Variants in SCN2A observed in about 807,000 individuals in gnomAD.
The protein encoded by SCN2A is sodium channel protein type 2 subunit alpha.
Under a neutral mutation model 188.7 loss-of-function variants are expected in SCN2A, and 20 were observed. The observed-to-expected ratio is 0.11, with a 90% CI of 0.07 to 0.15. The LOEUF (loss-of-function observed/expected upper bound fraction) is 0.15, where lower values mean the gene tolerates loss of function less well. SCN2A is among the 10% of genes least tolerant of loss of function. The pLI, the probability that SCN2A is intolerant of heterozygous loss-of-function variation, is 1.00. For synonymous variants in SCN2A, 804 were observed against 833.1 expected (o/e 0.97, Z 0.60); for missense variants, 1,278 against 2,445.0 (o/e 0.52, Z 10.07).
At chr2:165,301,658 G>T (rs1237469014) in intron 3 of SCN2A, among the ~76,000 whole-genome samples, 1 of 152,120 alleles carries the variant, frequency 6.6e-6, no homozygotes, top group Non-Finnish European at 1.5e-5. Flanking sequence ...ACTCAATAAA[G>T]GATATCTATG....
rs1441531793 is a variant in SCN2A at position 165,293,351 on chromosome 2, A to T, written c.-51-2422A>T. Among the ~76,000 whole-genome samples the T allele has an allele frequency of 2.6e-5, 4 of 152,292 alleles. No homozygotes were observed. In the East Asian group the frequency reaches 7.7e-4, roughly 29 times the overall value. On this transcript the variant is annotated intron_variant, in intron 1 of 26. Coordinates refer to ENST00000375437, the MANE Select transcript of SCN2A (RefSeq NM_001040142.2). ...CAAGATATATTCTGAGAAATGTGTC[A>T]TTAGGTGATTTTTGTCATTGTGTGT...
At chr2:165,304,933 G>T (rs1426879710) in intron 3 of SCN2A, among the ~76,000 whole-genome samples, 2 of 152,198 alleles carry the variant, frequency 1.3e-5, no homozygotes, top group Admixed American at 6.5e-5. Context: ...TACAATGGTC[G>T]TGTTAGCACA....
chr2:165,308,613 A>C, intron 4 of SCN2A, 53 bp from the exon 5 acceptor site: 2 of 1,585,476 alleles, frequency 1.3e-6, no homozygotes, highest in South Asian at 2.2e-5. Context: ...TAAGATATGT[A>C]CTTGTAAATT....
At position 165,370,256 on chromosome 2, in the gene SCN2A, A is replaced by G. The variant is rs1443647233; in HGVS notation, c.3806A>G (p.Tyr1269Cys). Residue 1269 changes from tyrosine (Y) to cysteine (C), a missense_variant, in exon 20 of 27, where the codon TAT becomes TGT. Physicochemically the swap from Tyr to Cys is radical, Grantham distance 194 (BLOSUM62 -2). Transcript: ENST00000375437. Reference protein sequence around the residue: ...LKWVAYGFQVYFTNAWCWLDF... With the variant: ...LKWVAYGFQVCFTNAWCWLDF... Reference sequence around the variant, plus strand: ...TGGGTTGCATATGGTTTTCAAGTGTATTTTACCAATGCCTGGTGCTGGCTA... The same window carrying G: ...TGGGTTGCATATGGTTTTCAAGTGTGTTTTACCAATGCCTGGTGCTGGCTA... 3 of 1,614,144 alleles carry G rather than the reference A, an allele frequency of 1.9e-6. No individual in the cohort carries two copies. The highest frequency in any genetic ancestry group is 1.7e-6 in the Non-Finnish European group (2 of 1,180,008).
chr2:165,259,416 G>A lies in SCN2A; in HGVS notation c.-52+19776G>A, dbSNP rs182343240. Among the ~76,000 whole-genome samples the A allele has an allele frequency of 7.9e-5, 12 of 152,328 alleles. No homozygotes were observed. The East Asian group carries it at 2.3e-3, about 29-fold the overall frequency. Reference sequence around the variant, plus strand: ...CTTTGGCATGCAATCCTGTTTGATAGCATTTTACCCACAGTGGAACTCCTT... The same window carrying A: ...CTTTGGCATGCAATCCTGTTTGATAACATTTTACCCACAGTGGAACTCCTT... On this transcript the variant is annotated intron_variant, in intron 1 of 26. Transcript: ENST00000375437.
At position 165,354,382 on chromosome 2, in the gene SCN2A, A is replaced by G; in HGVS notation, c.3110A>G (p.Asp1037Gly). ...TTTGTTAGGAAGCAGAAAGCTTTAG[A>G]TGAAATTAAACCGCTTGAAGATCTA... The part of the protein sequence containing the change: ...KAFVRKQKAL[D>G]EIKPLEDLNN... The change falls in exon 17 of 27, where the codon GAT becomes GGT. Residue 1037 changes from aspartate to glycine, a missense_variant. Asp to Gly is a moderately conservative substitution (Grantham distance 94). This residue lies in a region of SCN2A where 228 missense variants were observed against 297.3 expected (regional missense o/e 0.77). Coordinates refer to ENST00000375437, the MANE Select transcript of SCN2A (RefSeq NM_001040142.2). The G allele has an allele frequency of 2.5e-6, 4 of 1,614,038 alleles. No homozygotes were observed. Among genetic ancestry groups the G allele is most frequent in the Non-Finnish European group, 3.4e-6 (4 of 1,179,930 alleles).
intron 1 of SCN2A, among the ~76,000 whole-genome samples, chr2:165,250,967 A>G (rs931829265): frequency 2.6e-5 from 4 of 152,108 alleles, no homozygotes; most frequent in African/African-American, 9.7e-5. Flanking sequence ...AAAGACCATA[A>G]GGAGTAATCA....
intron 1 of SCN2A, among the ~76,000 whole-genome samples, chr2:165,286,325 T>C (rs1173040510): frequency 2.6e-5 from 4 of 152,226 alleles, no homozygotes; most frequent in South Asian, 4.2e-4. Context: ...GTAGGTAACA[T>C]TGATTGCTGG....
At chr2:165,361,088 C>G (rs962378322) in intron 17 of SCN2A, among the ~76,000 whole-genome samples, 1 of 151,692 alleles carries the variant, frequency 6.6e-6, no homozygotes, top group African/African-American at 2.4e-5. Flanking sequence ...CTGCTTTAGT[C>G]AACATATTTT....
intron 3 of SCN2A, among the ~76,000 whole-genome samples, chr2:165,302,007 C>G (rs1390182566): frequency 6.6e-6 from 1 of 152,030 alleles, no homozygotes; most frequent in Non-Finnish European, 1.5e-5. Flanking sequence ...ATTTTTAAAC[C>G]CTCGGATTTA....
At chr2:165,275,401 T>A (rs353118) in intron 1 of SCN2A, among the ~76,000 whole-genome samples, 39,614 of 152,030 alleles carry the variant, frequency 0.26, 5,398 homozygotes, top group South Asian at 0.29. Flanking sequence ...TGGAGCAATT[T>A]GTACCACATG....
At chr2:165,242,945 T>C (rs1693683736) in intron 1 of SCN2A, among the ~76,000 whole-genome samples, 1 of 152,212 alleles carries the variant, frequency 6.6e-6, no homozygotes, top group Admixed American at 6.5e-5. Flanking sequence ...TAAATCAGTT[T>C]GTTCCTCAGT....
chr2:165,297,797 G>T (rs1298970911), intron 3 of SCN2A, among the ~76,000 whole-genome samples: 3 of 151,796 alleles, frequency 2.0e-5, no homozygotes, highest in African/African-American at 7.3e-5. Context: ...CCTCTCCAAA[G>T]GATTAATGTC....
rs183006546 is a variant in SCN2A, at chr2:165,344,303, G to A, written c.2563-252G>A. Among the ~76,000 whole-genome samples the A allele has an allele frequency of 4.6e-5, 7 of 152,042 alleles. No individual in the cohort carries two copies. In the East Asian group the frequency reaches 9.7e-4, roughly 21 times the overall value. ...CTGCTATATTTGTTAGTGATCATTT[G>A]ACAAATAAATAATTCATCATTCTAT... is the stretch of plus-strand genomic sequence containing the variant. On this transcript the variant is annotated intron_variant, in intron 15 of 26. Coordinates refer to ENST00000375437, the MANE Select transcript of SCN2A (RefSeq NM_001040142.2).
At chr2:165,378,468 A>G (rs891834425) in intron 23 of SCN2A, among the ~76,000 whole-genome samples, 3 of 151,710 alleles carry the variant, frequency 2.0e-5, no homozygotes, top group African/African-American at 7.3e-5. Context: ...TTTATTGATT[A>G]TCACTATTCA....
intron 3 of SCN2A, among the ~76,000 whole-genome samples, chr2:165,306,433 AT>A (rs1697134286): frequency 6.6e-6 from 1 of 151,916 alleles, no homozygotes; most frequent in African/African-American, 2.4e-5. Flanking sequence ...ATAGCAAGTC[AT>A]TCTTTATTTA....
intron 14 of SCN2A, among the ~76,000 whole-genome samples, chr2:165,341,005 T>C (rs1699278106): frequency 6.6e-6 from 1 of 152,064 alleles, no homozygotes; most frequent in South Asian, 2.1e-4. Context: ...AATCTGGCCA[T>C]AAGGAAAGGA....
At chr2:165,317,746 G>A (rs1392541099) in intron 11 of SCN2A, among the ~76,000 whole-genome samples, 2 of 152,078 alleles carry the variant, frequency 1.3e-5, no homozygotes, top group Non-Finnish European at 2.9e-5. Context: ...GGTATTATAA[G>A]CAATCACTGA....
intron 21 of SCN2A, 70 bp from the exon 22 acceptor site, chr2:165,374,615 A>G: frequency 2.0e-6 from 3 of 1,521,758 alleles, no homozygotes; most frequent in Non-Finnish European, 2.7e-6. Flanking sequence ...TGTTCTTTTA[A>G]TAATGTTTAA....
Sources: gnomAD v4.1 joint callset for allele counts (sites outside exome capture counted in the v4.1 genomes callset) on GRCh38, gnomAD v4.1.1 for gene constraint, gnomAD v4.1.1 regional missense constraint, MANE v1.5 for transcripts, NCBI Gene and HGNC (gene_info 2026-07-23, HGNC 2026-07-21) for gene names.